The following PTPN6 variants were observed in gnomAD, a reference collection of about 807,000 sequenced individuals.
The protein encoded by PTPN6 is tyrosine-protein phosphatase non-receptor type 6.
Under a neutral mutation model 81.5 loss-of-function variants are expected in PTPN6, and 18 were observed. The observed-to-expected ratio is 0.22, with a 90% CI of 0.15 to 0.33. PTPN6 has a LOEUF of 0.33. Among genes scored for constraint, PTPN6 ranks in the 10% least tolerant of loss-of-function variants. The pLI is 1.00. For synonymous variants in PTPN6, 301 were observed against 310.9 expected (o/e 0.97, Z 0.33); for missense variants, 500 against 794.2 (o/e 0.63, Z 4.45).
rs1453345947 is a variant in PTPN6 at position 6,954,725 on chromosome 12, G to C, written c.327-80G>C. The C allele has an allele frequency of 1.4e-6, 2 of 1,428,984 alleles. No individual in the cohort carries two copies. The highest frequency in any genetic ancestry group is 2.4e-5 in the South Asian group (2 of 83,850). 88.5% of individuals were successfully genotyped at this position (1,428,984 alleles called of 1,614,324 possible). A position where few individuals can be genotyped will look rare whatever the true frequency, so the allele number is the denominator to read the frequency against. ...GGCACACAGTAGGTGCTTGATTTCC[G>C]GCCCCTCTCTGTGAATGTCTCTGCT... On this transcript the variant is annotated intron_variant, in intron 3 of 15. Coordinates refer to ENST00000318974, the MANE Select transcript of PTPN6 (RefSeq NM_002831.6). This position sits in a 1 kb window ranked among gnomAD's most constrained non-coding sequence, Gnocchi z 5.4.
At chr12:6,948,434 C>CAA (rs1262721721), upstream of PTPN6, among the ~76,000 whole-genome samples, 511 of 45,432 alleles carry the variant, frequency 0.011, 4 homozygotes, top group African/African-American at 0.036. Context: ...GATTCTGTGT[C>CAA]AAAAAAAAAA....
Position 6,960,421 on chromosome 12 carries a change from C to G in PTPN6, c.1659C>G (p.Ser553=), listed in dbSNP as rs782321212. 89 of 1,613,692 alleles carry G rather than the reference C, an allele frequency of 5.5e-5. No individual in the cohort carries two copies. The highest frequency in any genetic ancestry group is 7.5e-5 in the Non-Finnish European group (88 of 1,179,992). Reference sequence around the variant, plus strand: ...TGAAGAATGCCCATGCCAAGGCCTCCCGCACCTCGTCCAAGTGAGTGGCCC... The same window carrying G: ...TGAAGAATGCCCATGCCAAGGCCTCGCGCACCTCGTCCAAGTGAGTGGCCC... ...PAMKNAHAKA[S]RTSSKHKEDV... Residue 553 remains serine (S), a synonymous_variant, in exon 14 of 16, where the codon TCC becomes TCG. Transcript: ENST00000318974. This position sits in a 1 kb window ranked among gnomAD's most constrained non-coding sequence, Gnocchi z 6.1.
chr12:6,954,669 G>A lies in PTPN6; in HGVS notation c.327-136G>A. 1.2e-6 allele frequency: 1 copy of A among 801,918 alleles called. No homozygotes were observed. Among genetic ancestry groups the A allele is most frequent in the Non-Finnish European group, 2.0e-6 (1 of 496,206 alleles). 49.7% of individuals were successfully genotyped at this position (801,918 alleles called of 1,614,324 possible). A position where few individuals can be genotyped will look rare whatever the true frequency, so the allele number is the denominator to read the frequency against. On this transcript the variant is annotated intron_variant, in intron 3 of 15. Coordinates refer to ENST00000318974, the MANE Select transcript of PTPN6 (RefSeq NM_002831.6). The surrounding 1 kb of genome is among the most constrained non-coding windows in gnomAD (Gnocchi z 5.4). Reference sequence around the variant, plus strand: ...TGTTTGTGAGAGACCTAAATGAGGTGGTGGATTTGGAAGCATGTAGCGCAG... The same window carrying A: ...TGTTTGTGAGAGACCTAAATGAGGTAGTGGATTTGGAAGCATGTAGCGCAG...
rs1565582171 is a variant in PTPN6, at chr12:6,955,490, A to ATGG, written c.747+9_747+11dup. On this transcript the variant is annotated splice_donor_region_variant and intron_variant, in intron 6 of 15. Transcript: ENST00000318974. This position sits in a 1 kb window ranked among gnomAD's most constrained non-coding sequence, Gnocchi z 7.2. Reference sequence around the variant, plus strand: ...GGCTTCTGGGAGGAGTTTGAGGTGCATGGTGGGGACCGGCAGGGCTGGGGC... The same window carrying ATGG: ...GGCTTCTGGGAGGAGTTTGAGGTGCATGGTGGTGGGGACCGGCAGGGCTGGGGC... 1.2e-6 allele frequency: 2 copies of ATGG among 1,613,102 alleles called. No individual in the cohort carries two copies. The highest frequency in any genetic ancestry group is 1.7e-6 in the Non-Finnish European group (2 of 1,179,210).
At chr12:6,949,582 A>T (rs1424157330), upstream of PTPN6, among the ~76,000 whole-genome samples, 4 of 152,078 alleles carry the variant, frequency 2.6e-5, no homozygotes, top group African/African-American at 4.8e-5. Context: ...AACACCTACT[A>T]AGTAGGGTTG....
chr12:6,959,881 G>A lies in PTPN6; in HGVS notation c.1362-46G>A, dbSNP rs1430880184. The A allele has an allele frequency of 1.0e-5, 16 of 1,604,214 alleles. No individual in the cohort carries two copies. Among genetic ancestry groups the A allele is most frequent in the East Asian group, 2.2e-5 (1 of 44,850 alleles). Reference sequence around the variant, plus strand: ...CTGAGCGCTGGGTACCCCCCTTCCCGGGGAGGGCTTGACTGGCCTCTGATG... The same window carrying A: ...CTGAGCGCTGGGTACCCCCCTTCCCAGGGAGGGCTTGACTGGCCTCTGATG... On this transcript the variant is annotated intron_variant, in intron 11 of 15. Coordinates refer to ENST00000318974, the MANE Select transcript of PTPN6 (RefSeq NM_002831.6). The surrounding 1 kb of genome is among the most constrained non-coding windows in gnomAD (Gnocchi z 6.6).
rs376798550 is a variant in PTPN6, at chr12:6,960,264, G to GCC, written c.1581+25_1581+26insCC. ...GGTGCGTGCAGAGCAGGGCCTGGGG[G>GCC]GGGGGGGGGCTGCAGTGCAGGATGG... On this transcript the variant is annotated intron_variant, in intron 13 of 15. Transcript: ENST00000318974. This position sits in a 1 kb window ranked among gnomAD's most constrained non-coding sequence, Gnocchi z 6.1. The GCC allele has an allele frequency of 5.9e-5, 91 of 1,543,066 alleles. No homozygotes were observed. In the East Asian group the frequency reaches 1.9e-3, roughly 33 times the overall value.
In PTPN6 at chr12:6,951,487, C is replaced by T. The variant is rs1429761510; in HGVS notation, c.-26C>T. On this transcript the variant is annotated 5_prime_UTR_variant, in exon 1 of 16. Transcript: ENST00000318974. This position sits in a 1 kb window ranked among gnomAD's most constrained non-coding sequence, Gnocchi z 7.2. ...AGCTGCACCTCCTCATTCCCTGCGC[C>T]CCCTTCCTCTCCGGAAGCCCCCAGG... 2 of 1,613,702 alleles carry T rather than the reference C, an allele frequency of 1.2e-6. No individual in the cohort carries two copies. The highest frequency in any genetic ancestry group is 1.7e-6 in the Non-Finnish European group (2 of 1,179,858).
intron 11 of PTPN6, among the ~76,000 whole-genome samples, chr12:6,958,868 G>C (rs192795841): frequency 6.6e-6 from 1 of 152,338 alleles, no homozygotes; most frequent in Admixed American, 6.5e-5. Flanking sequence ...GTAAAATCAG[G>C]ATCTCAGGGT....
In PTPN6 at chr12:6,954,911, T is replaced by G. The variant is rs1945997384; in HGVS notation, c.433T>G (p.Phe145Val). Residue 145 changes from phenylalanine to valine, a missense_variant, in exon 4 of 16, where the codon TTC becomes GTC. Physicochemically the swap from Phe to Val is conservative, Grantham distance 50. Coordinates refer to ENST00000318974, the MANE Select transcript of PTPN6 (RefSeq NM_002831.6). This position sits in a 1 kb window ranked among gnomAD's most constrained non-coding sequence, Gnocchi z 5.4. The part of the protein sequence containing the change: ...VRESLSQPGD[F>V]VLSVLSDQPK... ...TGAGAGCCTCAGCCAGCCTGGAGACTTCGTGCTTTCTGTGCTCAGTGACCA... is the reference window on the plus strand; with the variant it reads ...TGAGAGCCTCAGCCAGCCTGGAGACGTCGTGCTTTCTGTGCTCAGTGACCA... 6.2e-6 allele frequency: 10 copies of G among 1,614,094 alleles called. No individual in the cohort carries two copies. The highest frequency in any genetic ancestry group is 1.7e-5 in the Admixed American group (1 of 60,010).
In PTPN6 at chr12:6,960,243, C is replaced by T. The variant is rs368194813; in HGVS notation, c.1581+4C>T. 1.1e-4 allele frequency: 170 copies of T among 1,504,084 alleles called. No homozygotes were observed. Among genetic ancestry groups the T allele is most frequent in the Middle Eastern group, 7.0e-4 (4 of 5,738 alleles). The allele number at this position is 1,504,084 out of a possible 1,614,324, so 93.2% of individuals were successfully genotyped here. ...GAAGAAGCTGGAGGTCCTGCAGGTGCGTGCAGAGCAGGGCCTGGGGGGGGG... is the reference window on the plus strand; with the variant it reads ...GAAGAAGCTGGAGGTCCTGCAGGTGTGTGCAGAGCAGGGCCTGGGGGGGGG... On this transcript the variant is annotated splice_donor_region_variant and intron_variant, in intron 13 of 15. Transcript: ENST00000318974. The surrounding 1 kb of genome is among the most constrained non-coding windows in gnomAD (Gnocchi z 6.1).
chr12:6,957,747 T>C lies in PTPN6; in HGVS notation c.1168T>C (p.Tyr390His), dbSNP rs782262226. The C allele has an allele frequency of 3.1e-6, 5 of 1,608,614 alleles. No homozygotes were observed. Among genetic ancestry groups the C allele is most frequent in the Non-Finnish European group, 3.4e-6 (4 of 1,176,474 alleles). ...TNCGEHDTTE[Y>H]KLRTLQVSPL... is the part of the protein sequence containing the mutation. ...CTGCGGGGAGCATGACACAACCGAA[T>C]ACAAACTCCGTACCTTACAGGTCTC... The change falls in exon 10 of 16, where the codon TAC becomes CAC. Residue 390 changes from tyrosine to histidine, a missense_variant. Around this residue, in one of 6 missense-constraint regions of PTPN6, gnomAD observed 226 missense variants for 364.4 expected, o/e 0.62. Coordinates refer to ENST00000318974, the MANE Select transcript of PTPN6 (RefSeq NM_002831.6). The surrounding 1 kb of genome is among the most constrained non-coding windows in gnomAD (Gnocchi z 6.5).
chr12:6,951,986 G>A lies in PTPN6; in HGVS notation c.135G>A (p.Val45=). ...CTCACCGCCTGGTGCCCTGCAGGGTGGGGGATCAGGTGACCCATATTCGGA... is the reference window on the plus strand; with the variant it reads ...CTCACCGCCTGGTGCCCTGCAGGGTAGGGGATCAGGTGACCCATATTCGGA... ...NQGDFSLSVR[V]GDQVTHIRIQ... The change falls in exon 3 of 16, where the codon GTG becomes GTA. Residue 45 remains valine, a synonymous_variant. Coordinates refer to ENST00000318974, the MANE Select transcript of PTPN6 (RefSeq NM_002831.6). The surrounding 1 kb of genome is among the most constrained non-coding windows in gnomAD (Gnocchi z 7.2). 6.2e-7 allele frequency: 1 copy of A among 1,614,012 alleles called. No individual in the cohort carries two copies. Among genetic ancestry groups the A allele is most frequent in the Non-Finnish European group, 8.5e-7 (1 of 1,179,950 alleles).
chr12:6,948,421 C>T (rs1591680689), upstream of PTPN6, among the ~76,000 whole-genome samples: 1 of 98,594 alleles, frequency 1.0e-5, no homozygotes, highest in Non-Finnish European at 1.9e-5. Flanking sequence ...GGTGATAAAG[C>T]AAGATTCTGT....
rs1945930253 is a variant in PTPN6 at position 6,951,780 on chromosome 12, C to T, written c.131+49C>T. On this transcript the variant is annotated intron_variant, in intron 2 of 15. Coordinates refer to ENST00000318974, the MANE Select transcript of PTPN6 (RefSeq NM_002831.6). The surrounding 1 kb of genome is among the most constrained non-coding windows in gnomAD (Gnocchi z 7.2). ...GGGCATTTTGGCCACTCTCTTGTGC[C>T]ATCCAGGCCCTGAACCACTCATTCC... 2 of 1,604,848 alleles carry T rather than the reference C, an allele frequency of 1.2e-6. No individual in the cohort carries two copies. The highest frequency in any genetic ancestry group is 1.7e-6 in the Non-Finnish European group (2 of 1,179,876).
rs374616743 is a variant in PTPN6 at position 6,957,586 on chromosome 12, A to T, written c.1075-68A>T. On this transcript the variant is annotated intron_variant, in intron 9 of 15. Coordinates refer to ENST00000318974, the MANE Select transcript of PTPN6 (RefSeq NM_002831.6). The surrounding 1 kb of genome is among the most constrained non-coding windows in gnomAD (Gnocchi z 6.5). ...CCGGTGCCAGGCACTCAGAACATAGAGCAGGACCTGGGATGGGCCACAGTG... is the reference window on the plus strand; with the variant it reads ...CCGGTGCCAGGCACTCAGAACATAGTGCAGGACCTGGGATGGGCCACAGTG... The T allele has an allele frequency of 3.2e-5, 50 of 1,577,146 alleles. No individual in the cohort carries two copies. The East Asian group carries it at 3.4e-4, about 11-fold the overall frequency.
chr12:6,959,008 C>G lies in PTPN6; in HGVS notation c.1362-919C>G, dbSNP rs149935840. On this transcript the variant is annotated intron_variant, in intron 11 of 15. Transcript: ENST00000318974. The surrounding 1 kb of genome is among the most constrained non-coding windows in gnomAD (Gnocchi z 6.6). The stretch of plus-strand genomic sequence containing the variant: ...AGGGGAATGGGAACCTGCCTTGCCC[C>G]GGTCCCTTCCCACTCCCTCCGTGGA... 2.1e-4 allele frequency among the ~76,000 whole-genome samples: 32 copies of G among 152,304 alleles called. 1 individual carries two copies. Among genetic ancestry groups the G allele is most frequent in the Admixed American group, 1.0e-3 (16 of 15,300 alleles).
chr12:6,957,806 G>GC lies in PTPN6; in HGVS notation c.1206+25dup, dbSNP rs1425772272. The GC allele has an allele frequency of 4.3e-6, 7 of 1,614,002 alleles. No homozygotes were observed. In the African/African-American group the frequency reaches 8.0e-5, roughly 18 times the overall value. On this transcript the variant is annotated intron_variant, in intron 10 of 15. Transcript: ENST00000318974. This position sits in a 1 kb window ranked among gnomAD's most constrained non-coding sequence, Gnocchi z 6.5. Reference sequence around the variant, plus strand: ...ACAATGTGAGTGGCCCCCACGCCCTGCCCCATTCCGGGAGTCCCTCCCTGG... The same window carrying GC: ...ACAATGTGAGTGGCCCCCACGCCCTGCCCCCATTCCGGGAGTCCCTCCCTGG...
chr12:6,956,674 T>C lies in PTPN6; in HGVS notation c.1074+106T>C. The C allele has an allele frequency of 6.8e-7, 1 of 1,476,566 alleles. No individual in the cohort carries two copies. The highest frequency in any genetic ancestry group is 1.2e-5 in the South Asian group (1 of 85,622). The allele number at this position is 1,476,566 out of a possible 1,614,324, so 91.5% of individuals were successfully genotyped here. ...CAGAAAGGGATCTCAGGGGTGAGGG[T>C]CCGGCCCTTGTTGGGAAACTGAGGG... On this transcript the variant is annotated intron_variant, in intron 9 of 15. Transcript: ENST00000318974. This position sits in a 1 kb window ranked among gnomAD's most constrained non-coding sequence, Gnocchi z 4.1.
Sources: gnomAD v4.1 joint callset for allele counts (sites outside exome capture counted in the v4.1 genomes callset) on GRCh38, gnomAD v4.1.1 for gene constraint, gnomAD v4.1.1 regional missense constraint, Gnocchi (gnomAD v3.1) non-coding constraint, MANE v1.5 for transcripts, NCBI Gene and HGNC (gene_info 2026-07-23, HGNC 2026-07-21) for gene names.